The following CFAP299 variants were observed in gnomAD, a reference collection of about 807,000 sequenced individuals.
CFAP299 encodes the protein cilia and flagella associated protein 299.
CFAP299 carries 21 observed loss-of-function variants against 27.0 expected under a neutral mutation model. The ratio of observed to expected loss-of-function variants is 0.78; its 90% CI spans 0.55 to 1.12. The LOEUF (loss-of-function observed/expected upper bound fraction) is 1.12, where lower values mean the gene tolerates loss of function less well. CFAP299 is among the 50% of genes most tolerant of loss of function. The pLI, the probability that CFAP299 is intolerant of heterozygous loss-of-function variation, is 0.00. For synonymous variants in CFAP299, 104 were observed against 98.1 expected, an observed-to-expected ratio of 1.06 and a Z score of -0.36; for missense variants, 310 against 276.6, an observed-to-expected ratio of 1.12 and a Z score of -0.86.
chr4:80,876,516 C>T (rs1026929500), intron 4 of CFAP299, among the ~76,000 whole-genome samples: 1 of 152,120 alleles, frequency 6.6e-6, no homozygotes, highest in African/African-American at 2.4e-5. Flanking sequence ...TTAATTAGAC[C>T]TCTTTTCTTT....
At chr4:80,801,771 T>C (rs556454633) in intron 3 of CFAP299, among the ~76,000 whole-genome samples, 1 of 152,178 alleles carries the variant, frequency 6.6e-6, no homozygotes, top group Non-Finnish European at 1.5e-5. Context: ...AAAAGGCAAA[T>C]TTCCATGCAA....
chr4:80,453,841 AAATAATAATAATAATAAT>A (rs10692004), intron 2 of CFAP299, among the ~76,000 whole-genome samples: 55 of 135,980 alleles, frequency 4.0e-4, no homozygotes, highest in African/African-American at 1.2e-3. Flanking sequence ...ACCCTGTCTC[AAATAATAATAATAATAAT>A]AATAATAATA....
chr4:80,694,293 G>C (rs986675474), intron 3 of CFAP299, among the ~76,000 whole-genome samples: 1 of 152,108 alleles, frequency 6.6e-6, no homozygotes, highest in Non-Finnish European at 1.5e-5. Flanking sequence ...CTCTTTTCCT[G>C]CCAATTCTAA....
intron 1 of CFAP299, among the ~76,000 whole-genome samples, chr4:80,353,467 C>A (rs1444441730): frequency 6.6e-6 from 1 of 152,134 alleles, no homozygotes; most frequent in Non-Finnish European, 1.5e-5. Context: ...TAAGCTTATT[C>A]CAAAAATGTC....
intron 2 of CFAP299, among the ~76,000 whole-genome samples, chr4:80,495,521 C>T (rs1013786780): frequency 1.6e-4 from 24 of 151,764 alleles, no homozygotes; most frequent in Admixed American, 7.2e-4. Context: ...TAAGTTTATC[C>T]GCAGGTGTAG....
intron 2 of CFAP299, among the ~76,000 whole-genome samples, chr4:80,482,769 G>A (rs1447415865): frequency 6.6e-6 from 1 of 152,126 alleles, no homozygotes; most frequent in East Asian, 1.9e-4. Context: ...CCACCCAGTA[G>A]ACATTAAATA....
At position 80,488,878 on chromosome 4, in the gene CFAP299, A is replaced by G. The variant is rs1358658425; in HGVS notation, c.243-94215A>G. 3.9e-5 allele frequency among the ~76,000 whole-genome samples: 6 copies of G among 152,306 alleles called. No individual in the cohort carries two copies. In the East Asian group the frequency reaches 7.7e-4, roughly 20 times the overall value. ...AATCTGGAGTTGGATGGCAAAAAAA[A>G]CGTTTGTGTCTCCCAGCAGTATTCA... is the stretch of plus-strand genomic sequence containing the variant. On this transcript the variant is annotated intron_variant, in intron 2 of 5. Transcript: ENST00000358105.
intron 3 of CFAP299, among the ~76,000 whole-genome samples, chr4:80,708,153 A>T (rs1358154037): frequency 2.0e-5 from 3 of 152,024 alleles, no homozygotes; most frequent in African/African-American, 7.2e-5. Context: ...TTTTCAAGTT[A>T]AGTTCCTTCA....
At chr4:80,359,148 C>T (rs1001220632) in intron 1 of CFAP299, among the ~76,000 whole-genome samples, 2 of 152,074 alleles carry the variant, frequency 1.3e-5, no homozygotes, top group Non-Finnish European at 2.9e-5. Context: ...ATATTGGCCC[C>T]CAATCTTTTC....
chr4:80,939,591 A>G (rs1399058623), intron 4 of CFAP299, among the ~76,000 whole-genome samples: 1 of 151,962 alleles, frequency 6.6e-6, no homozygotes, highest in East Asian at 1.9e-4. Flanking sequence ...GTTCTTTTGT[A>G]GCTCATTGAG....
intron 2 of CFAP299, among the ~76,000 whole-genome samples, chr4:80,517,148 T>C (rs1243922191): frequency 6.6e-6 from 1 of 152,126 alleles, no homozygotes; most frequent in Non-Finnish European, 1.5e-5. Flanking sequence ...AGTTTCACAG[T>C]TTGTTGAGGA....
At chr4:80,528,390 G>T (rs1733297405) in intron 2 of CFAP299, among the ~76,000 whole-genome samples, 1 of 152,028 alleles carries the variant, frequency 6.6e-6, no homozygotes, top group East Asian at 1.9e-4. Flanking sequence ...GGTTCATGTA[G>T]CATTCTCTGT....
intron 1 of CFAP299, among the ~76,000 whole-genome samples, chr4:80,337,081 A>G (rs886686109): frequency 1.3e-5 from 2 of 152,236 alleles, no homozygotes; most frequent in Non-Finnish European, 2.9e-5. Flanking sequence ...AAAACATTAT[A>G]CAGATAATAT....
At chr4:80,479,453 C>A (rs1730446301) in intron 2 of CFAP299, among the ~76,000 whole-genome samples, 1 of 152,016 alleles carries the variant, frequency 6.6e-6, no homozygotes, top group Middle Eastern at 3.4e-3. Context: ...TAAAGACAAT[C>A]AAACTGAAAT....
At position 80,447,760 on chromosome 4, in the gene CFAP299, G is replaced by C. The variant is rs1020174241; in HGVS notation, c.242+84876G>C. 2.6e-5 allele frequency among the ~76,000 whole-genome samples: 4 copies of C among 152,076 alleles called. 1 individual carries two copies. The highest frequency in any genetic ancestry group is 5.9e-5 in the Non-Finnish European group (4 of 67,996). ...GAGCCACCATGCCCGGCCAACAATTGCAGTTTTACTAACAGTCTTCTTGCT... is the reference window on the plus strand; with the variant it reads ...GAGCCACCATGCCCGGCCAACAATTCCAGTTTTACTAACAGTCTTCTTGCT... On this transcript the variant is annotated intron_variant, in intron 2 of 5. Coordinates refer to ENST00000358105, the MANE Select transcript of CFAP299 (RefSeq NM_152770.3).
intron 3 of CFAP299, among the ~76,000 whole-genome samples, chr4:80,732,430 A>G (rs1236780632): frequency 6.6e-6 from 1 of 152,122 alleles, no homozygotes; most frequent in Non-Finnish European, 1.5e-5. Flanking sequence ...TGTCTCATAC[A>G]AGGGTTAGGT....
At chr4:80,617,451 A>G (rs1738348826) in intron 3 of CFAP299, among the ~76,000 whole-genome samples, 1 of 152,150 alleles carries the variant, frequency 6.6e-6, no homozygotes, top group Middle Eastern at 3.2e-3. Context: ...CAAGAGAATG[A>G]ATGACTTGCT....
At chr4:80,507,799 T>C (rs2132268) in intron 2 of CFAP299, among the ~76,000 whole-genome samples, 57,531 of 152,056 alleles carry the variant, frequency 0.38, 13,980 homozygotes, top group African/African-American at 0.69. Context: ...TGGGGAGAGA[T>C]GCTTGGGTCC....
chr4:80,628,850 A>C (rs1560665732), intron 3 of CFAP299, among the ~76,000 whole-genome samples: 1 of 152,106 alleles, frequency 6.6e-6, no homozygotes, highest in Non-Finnish European at 1.5e-5. Flanking sequence ...GGCAAAGGGA[A>C]CCCTTGCACG....
Sources: gnomAD v4.1 joint callset for allele counts (sites outside exome capture counted in the v4.1 genomes callset) on GRCh38, gnomAD v4.1.1 for gene constraint, MANE v1.5 for transcripts, NCBI Gene and HGNC (gene_info 2026-07-23, HGNC 2026-07-21) for gene names.